Variants in PES1 observed in about 807,000 individuals in gnomAD.
PES1 encodes pescadillo ribosomal biogenesis factor 1.
PES1 carries 31 observed loss-of-function variants against 77.1 expected under a neutral mutation model. The observed-to-expected ratio is 0.40, with a 90% CI of 0.30 to 0.54. PES1 has a LOEUF of 0.54. Among genes scored for constraint, PES1 ranks in the 20% least tolerant of loss-of-function variants. The pLI is 0.45. For missense variants in PES1, 658 were observed against 771.7 expected (o/e 0.85, Z 1.75); for synonymous variants, 282 against 303.0 (o/e 0.93, Z 0.72).
chr22:30,581,161 T>C, intron 8 of PES1, 60 bp from the exon 9 acceptor site: 2 of 1,459,962 alleles, frequency 1.4e-6, no homozygotes, highest in Non-Finnish European at 1.9e-6. Context: ...GTGGCCAGGG[T>C]GGGGAGGGGC....
intron 2 of PES1, among the ~76,000 whole-genome samples, chr22:30,602,916 T>TGC (rs946482919): frequency 1.3e-5 from 2 of 151,712 alleles, no homozygotes; most frequent in African/African-American, 4.8e-5. Context: ...GCAATTTGTG[T>TGC]GTGTGTGTGT....
chr22:30,605,781 T>A (rs1482413296), intron 1 of PES1, among the ~76,000 whole-genome samples: 1 of 152,216 alleles, frequency 6.6e-6, no homozygotes, highest in Non-Finnish European at 1.5e-5. Flanking sequence ...AGTAGTTCCG[T>A]AAACAGACAC....
intron 1 of PES1, among the ~76,000 whole-genome samples, chr22:30,605,951 A>G (rs1457095251): frequency 2.0e-5 from 3 of 152,226 alleles, no homozygotes; most frequent in Non-Finnish European, 4.4e-5. Context: ...TAGTGTCTTC[A>G]CAAATTGAGC....
rs1286252249 is a variant in PES1 at position 30,587,327 on chromosome 22, G to A, written c.327C>T (p.Asp109=). 5.0e-6 allele frequency: 8 copies of A among 1,613,664 alleles called. No homozygotes were observed. Among genetic ancestry groups the A allele is most frequent in the African/African-American group, 1.3e-5 (1 of 74,878 alleles). ...SEWNTVERLK[D]NKPNYKLDHI... The stretch of plus-strand genomic sequence containing the variant: ...GGTCGAGTTTGTAGTTGGGCTTATT[G>A]TCCTTTAAACGCTCTACAGTGTTCC... Residue 109 remains aspartate, a synonymous_variant, in exon 4 of 15, where the codon GAC becomes GAT. Transcript: ENST00000354694.
rs2087042158 is a variant in PES1, at chr22:30,584,562, G to A, written c.524C>T (p.Ala175Val). 1 of 1,611,422 alleles carries A rather than the reference G, an allele frequency of 6.2e-7. No homozygotes were observed. The change falls in exon 5 of 15, where the codon GCC (alanine) becomes GTC (valine). Residue 175 changes from alanine (A) to valine (V), a missense_variant. Coordinates refer to ENST00000354694, the MANE Select transcript of PES1 (RefSeq NM_014303.4). Reference protein sequence around the residue: ...TVEFMHYIIAARALRKVFLSI... With the variant: ...TVEFMHYIIAVRALRKVFLSI... ...CAGGCTCACCTTGCGCAGGGCACGG[G>A]CAGCGATAATGTAGTGCATGAACTC...
In PES1 at chr22:30,576,736, A is replaced by C. The variant is rs2086904475; in HGVS notation, c.*310T>G. 2.4e-6 allele frequency: 1 copy of C among 417,056 alleles called. No individual in the cohort carries two copies. Among genetic ancestry groups the C allele is most frequent in the East Asian group, 4.4e-5 (1 of 22,650 alleles). 25.8% of individuals were successfully genotyped at this position (417,056 alleles called of 1,614,324 possible). A position where few individuals can be genotyped will look rare whatever the true frequency, so the allele number is the denominator to read the frequency against. On this transcript the variant is annotated 3_prime_UTR_variant, in exon 15 of 15. Transcript: ENST00000354694. ...AACTGTGTGGGAGGGGGCTGTGGAA[A>C]GCCAGGATGAATGGGGGCAGTAGGT...
Position 30,579,005 on chromosome 22 carries a change from A to G in PES1, c.1522-7T>C, listed in dbSNP as rs915950794. On this transcript the variant is annotated splice_region_variant and splice_polypyrimidine_tract_variant and intron_variant, in intron 13 of 14. Transcript: ENST00000354694. ...CTGCCATCACCCTGGGCTTCTGGGG[A>G]CACAAGGAGGGTGCTTATGGGGGCA... The G allele has an allele frequency of 3.7e-6, 6 of 1,608,852 alleles. No homozygotes were observed. The highest frequency in any genetic ancestry group is 4.2e-6 in the Non-Finnish European group (5 of 1,179,922).
At position 30,597,876 on chromosome 22, in the gene PES1, A is replaced by ATTTTTTTTTTTTTTTTT. The variant is rs1210779167; in HGVS notation, c.-660-5479_-660-5478insAAAAAAAAAAAAAAAAA. Among the ~76,000 whole-genome samples, 21 of 125,078 alleles carry ATTTTTTTTTTTTTTTTT rather than the reference A, an allele frequency of 1.7e-4. 2 individuals are homozygous for ATTTTTTTTTTTTTTTTT. The highest frequency in any genetic ancestry group is 5.9e-4 in the African/African-American group (19 of 32,352). 82.1% of individuals were successfully genotyped at this position (125,078 alleles called of 152,430 possible). A position where few individuals can be genotyped will look rare whatever the true frequency, so the allele number is the denominator to read the frequency against. On this transcript the variant is annotated intron_variant, in intron 2 of 16. Transcript: ENST00000402281. ...CTCGGTTTTTTTTCCACGCAGTTGA[A>ATTTTTTTTTTTTTTTTT]GTTTTGTTTTTTTTTTTTTTGTTTT... is the stretch of plus-strand genomic sequence containing the variant.
intron 2 of PES1, among the ~76,000 whole-genome samples, chr22:30,601,559 C>T (rs752142481): frequency 3.9e-5 from 6 of 152,168 alleles, no homozygotes; most frequent in Non-Finnish European, 7.3e-5. Context: ...AGTGATCTGC[C>T]TGCCTCAGCC....
In PES1 at chr22:30,600,837, T is replaced by C. The variant is rs569253581; in HGVS notation, c.-661+4624A>G. Among the ~76,000 whole-genome samples the C allele has an allele frequency of 1.2e-3, 184 of 151,936 alleles. 2 individuals carry two copies. The highest frequency in any genetic ancestry group is 2.0e-3 in the Non-Finnish European group (138 of 67,920). On this transcript the variant is annotated intron_variant, in intron 2 of 16. Transcript: ENST00000402281. ...ATCTCAAAAACAAAACAAAAAAAAA[T>C]TGGGGATGGGCTCCATTAAATGGTT...
intron 4 of PES1, among the ~76,000 whole-genome samples, chr22:30,585,715 G>T (rs1316413608): frequency 6.8e-6 from 1 of 146,926 alleles, no homozygotes; most frequent in Admixed American, 6.9e-5. Flanking sequence ...GGGTTGGGGG[G>T]AGTGGGGGCA....
At chr22:30,583,846 C>T (rs2087023325) in intron 6 of PES1, among the ~76,000 whole-genome samples, 1 of 152,266 alleles carries the variant, frequency 6.6e-6, no homozygotes, top group Non-Finnish European at 1.5e-5. Flanking sequence ...CCTTCTCTCC[C>T]AGTCCCCGAG....
intron 2 of PES1, among the ~76,000 whole-genome samples, chr22:30,598,853 T>G (rs2087307154): frequency 6.7e-6 from 1 of 149,506 alleles, no homozygotes; most frequent in African/African-American, 2.4e-5. Context: ...AAAGCCCAAA[T>G]ATATTTTTCA....
rs1472257315 is a variant in PES1, at chr22:30,597,049, G to A, written c.-660-4651C>T. 5.9e-5 allele frequency among the ~76,000 whole-genome samples: 9 copies of A among 152,308 alleles called. No individual in the cohort carries two copies. In the East Asian group the frequency reaches 7.8e-4, roughly 13 times the overall value. ...GTGCGCCAGGTTCCCCAGCAGTGCCGGCCCACCGGCGCTGCGCTCAATTTC... is the reference window on the plus strand; with the variant it reads ...GTGCGCCAGGTTCCCCAGCAGTGCCAGCCCACCGGCGCTGCGCTCAATTTC... On this transcript the variant is annotated intron_variant, in intron 2 of 16. Transcript: ENST00000402281.
chr22:30,580,559 G>C lies in PES1; in HGVS notation c.1043+12C>G. ...GAACCAATGCTGTCAGCGGGCCCTT[G>C]AGCCTCCCTACCTGATGATGAAGGC... On this transcript the variant is annotated intron_variant, in intron 10 of 14. Transcript: ENST00000354694. 2 of 1,613,550 alleles carry C rather than the reference G, an allele frequency of 1.2e-6. No homozygotes were observed. Among genetic ancestry groups the C allele is most frequent in the South Asian group, 2.2e-5 (2 of 91,048 alleles).
intron 2 of PES1, among the ~76,000 whole-genome samples, chr22:30,602,993 C>T (rs867086256): frequency 6.6e-6 from 1 of 152,022 alleles, no homozygotes; most frequent in Non-Finnish European, 1.5e-5. Flanking sequence ...TCACTGCAAC[C>T]TCTACCTCCT....
Position 30,597,876 on chromosome 22 carries a change from AGTTTTG to A in PES1, c.-660-5484_-660-5479del, listed in dbSNP as rs1569031026. 3.1e-4 allele frequency among the ~76,000 whole-genome samples: 39 copies of A among 125,128 alleles called. 2 individuals are homozygous for A. The highest frequency in any genetic ancestry group is 1.2e-3 in the African/African-American group (38 of 32,400). 82.1% of individuals were successfully genotyped at this position (125,128 alleles called of 152,430 possible). On this transcript the variant is annotated intron_variant, in intron 2 of 16. Coordinates refer to the PES1 transcript ENST00000402281. ...CTCGGTTTTTTTTCCACGCAGTTGA[AGTTTTG>A]TTTTTTTTTTTTTTGTTTTGAGTCG...
upstream of PES1, among the ~76,000 whole-genome samples, chr22:30,593,484 G>T (rs1602023441): frequency 6.6e-6 from 1 of 151,494 alleles, no homozygotes; most frequent in Admixed American, 6.6e-5. Context: ...ACAGAGCGAG[G>T]CTCCATCTCA....
Position 30,580,197 on chromosome 22 carries a change from C to T in PES1, c.1044-19G>A. On this transcript the variant is annotated intron_variant, in intron 10 of 14. Transcript: ENST00000354694. ...AAAACTCCTACAGGGACAGGGAGAGCCCACACGGGTACACAGACATGAGCT... is the reference window on the plus strand; with the variant it reads ...AAAACTCCTACAGGGACAGGGAGAGTCCACACGGGTACACAGACATGAGCT... The T allele has an allele frequency of 6.2e-7, 1 of 1,601,906 alleles. No individual in the cohort carries two copies. Among genetic ancestry groups the T allele is most frequent in the Non-Finnish European group, 8.5e-7 (1 of 1,174,292 alleles).
Sources: gnomAD v4.1 joint callset for allele counts (sites outside exome capture counted in the v4.1 genomes callset) on GRCh38, gnomAD v4.1.1 for gene constraint, MANE v1.5 for transcripts, NCBI Gene and HGNC (gene_info 2026-07-23, HGNC 2026-07-21) for gene names.